The following BTD variants were observed in gnomAD, a reference collection of about 807,000 sequenced individuals.
BTD encodes the protein biocytinase.
Under a neutral mutation model 17.7 loss-of-function variants are expected in BTD, and 13 were observed. That is an observed-to-expected ratio of 0.74 (90% CI 0.48 to 1.17). The LOEUF (loss-of-function observed/expected upper bound fraction) is 1.17. BTD is among the 50% of genes most tolerant of loss of function. BTD has a pLI of 0.00. For missense variants in BTD, 674 were observed against 650.4 expected, an observed-to-expected ratio of 1.04 and a Z score of -0.39; for synonymous variants, 240 against 245.2, an observed-to-expected ratio of 0.98 and a Z score of 0.20.
intron 3 of BTD, chr3:15,695,083 T>C (rs2069339423): frequency 1.1e-6 from 1 of 945,458 alleles, no homozygotes. Context: ...TTGTGCCTAA[T>C]ATGTAAAAAC....
chr3:15,602,066 C>CTGT, intron 1 of BTD, 172 bp downstream of exon 1: 1 of 1,446,880 alleles, frequency 6.9e-7, no homozygotes, highest in African/African-American at 1.4e-5. Context: ...GCTGTGCTAC[C>CTGT]GCGTTGCGTT....
chr3:15,700,593 G>A (rs1009657159), intron 3 of BTD, among the ~76,000 whole-genome samples: 1 of 152,122 alleles, frequency 6.6e-6, no homozygotes, highest in Non-Finnish European at 1.5e-5. Context: ...GGCCAACATG[G>A]TGAAATCTTG....
At chr3:15,668,395 C>T (rs2066089062) in intron 3 of BTD, 1 of 151,762 alleles carries the variant, frequency 6.6e-6, no homozygotes. Flanking sequence ...AAATGTAGTC[C>T]ACTGTCATTA....
rs774003531 is a variant in BTD, at chr3:15,644,883, G to C, written c.967G>C (p.Gly323Arg). 2 of 1,614,078 alleles carry C rather than the reference G, an allele frequency of 1.2e-6. No homozygotes were observed. The highest frequency in any genetic ancestry group is 1.7e-6 in the Non-Finnish European group (2 of 1,180,026). ...TGCCCAGGTGGCCAAAAATCCAGTG[G>C]GTCTCATTGGTGCAGAGAATGCAAC... The part of the protein sequence containing the change: ...IIAQVAKNPV[G>R]LIGAENATGE... Residue 323 changes from glycine to arginine, a missense_variant, in exon 4 of 4, where the codon GGT becomes CGT. Gly to Arg is a moderately radical substitution (Grantham distance 125). Coordinates refer to ENST00000643237, the MANE Select transcript of BTD (RefSeq NM_001370658.1).
At chr3:15,691,032 T>G (rs2047852) in intron 3 of BTD, among the ~76,000 whole-genome samples, 74,230 of 151,956 alleles carry the variant, frequency 0.49, 20,112 homozygotes, top group Non-Finnish European at 0.6. Flanking sequence ...AGCAAAGAAA[T>G]GCATAACCGA....
intron 3 of BTD, chr3:15,684,254 T>C (rs966204023): frequency 6.6e-6 from 1 of 152,202 alleles, no homozygotes. Context: ...CCAAACTGCA[T>C]TTTTAACATC....
At chr3:15,616,856 C>T (rs926748253) in intron 1 of BTD, among the ~76,000 whole-genome samples, 2 of 150,082 alleles carry the variant, frequency 1.3e-5, no homozygotes, top group Non-Finnish European at 3.0e-5. Context: ...ATTTTTTTTT[C>T]GAGTCTCACT....
downstream of BTD, among the ~76,000 whole-genome samples, chr3:15,654,207 C>T (rs186055873): frequency 6.6e-6 from 1 of 152,218 alleles, no homozygotes; most frequent in East Asian, 1.9e-4. Context: ...AGTAAGGCAA[C>T]ATTGGGCACT....
intron 3 of BTD, among the ~76,000 whole-genome samples, chr3:15,703,776 G>GCT (rs2070957964): frequency 6.6e-6 from 1 of 152,232 alleles, no homozygotes; most frequent in Admixed American, 6.5e-5. Context: ...GTAATGGATA[G>GCT]AGGACGGAAG....
At chr3:15,662,454 C>G (rs940634385) in intron 3 of BTD, among the ~76,000 whole-genome samples, 1 of 152,158 alleles carries the variant, frequency 6.6e-6, no homozygotes, top group African/African-American at 2.4e-5. Context: ...GTATATGAAC[C>G]TTGTATCTTG....
At chr3:15,706,849 A>G (rs1033911064) in intron 3 of BTD, among the ~76,000 whole-genome samples, 2 of 152,168 alleles carry the variant, frequency 1.3e-5, no homozygotes, top group Non-Finnish European at 2.9e-5. Flanking sequence ...AGTGATGATG[A>G]GCATTTTTTC....
intron 3 of BTD, among the ~76,000 whole-genome samples, chr3:15,673,451 C>A (rs2125609138): frequency 6.6e-6 from 1 of 152,296 alleles, no homozygotes; most frequent in Middle Eastern, 3.4e-3. Context: ...GTGAATGCAA[C>A]TGACAAAGAT....
intron 3 of BTD, among the ~76,000 whole-genome samples, chr3:15,688,279 T>C (rs1309216090): frequency 6.6e-6 from 1 of 152,236 alleles, no homozygotes; most frequent in African/African-American, 2.4e-5. Flanking sequence ...TCCCATCCAG[T>C]GTACAAAATT....
chr3:15,663,088 C>T (rs2065941968), intron 3 of BTD, among the ~76,000 whole-genome samples: 1 of 151,968 alleles, frequency 6.6e-6, no homozygotes, highest in Admixed American at 6.6e-5. Flanking sequence ...ACCTCCACCT[C>T]CCGGTTTCAA....
At position 15,614,199 on chromosome 3, in the gene BTD, C is replaced by T. The variant is rs376385332; in HGVS notation, c.-17+12305C>T. Among the ~76,000 whole-genome samples, 5 of 151,414 alleles carry T rather than the reference C, an allele frequency of 3.3e-5. No homozygotes were observed. The East Asian group carries it at 9.7e-4, about 29-fold the overall frequency. Reference sequence around the variant, plus strand: ...AGTACAGTGGCACAGCCGTAGCCCACTGCAGCCTTAAACTCCTGGGCTCAA... The same window carrying T: ...AGTACAGTGGCACAGCCGTAGCCCATTGCAGCCTTAAACTCCTGGGCTCAA... On this transcript the variant is annotated intron_variant, in intron 1 of 3. Transcript: ENST00000643237.
intron 1 of BTD, among the ~76,000 whole-genome samples, chr3:15,607,272 A>G (rs1354215242): frequency 1.3e-5 from 2 of 152,174 alleles, no homozygotes; most frequent in African/African-American, 4.8e-5. Flanking sequence ...AACCTTTTTA[A>G]AAGAAAAGGC....
chr3:15,607,330 G>T (rs1221779957), intron 1 of BTD, among the ~76,000 whole-genome samples: 2 of 152,198 alleles, frequency 1.3e-5, no homozygotes, highest in African/African-American at 2.4e-5. Flanking sequence ...AGTCATCAAA[G>T]AATCTGCATA....
intron 3 of BTD, among the ~76,000 whole-genome samples, chr3:15,670,862 A>G (rs145851111): frequency 0.012 from 1,894 of 152,378 alleles, 17 homozygotes; most frequent in Middle Eastern, 0.027. Context: ...CTGGGCTAGA[A>G]TAAGAAAAAC....
At chr3:15,657,187 C>T (rs896182128), downstream of BTD, among the ~76,000 whole-genome samples, 4 of 152,314 alleles carry the variant, frequency 2.6e-5, no homozygotes, top group Admixed American at 6.5e-5. Context: ...TGGCCAGAAA[C>T]AGGCACAGTG....
Sources: gnomAD v4.1 joint callset for allele counts (sites outside exome capture counted in the v4.1 genomes callset) on GRCh38, gnomAD v4.1.1 for gene constraint, MANE v1.5 for transcripts, NCBI Gene and HGNC (gene_info 2026-07-23, HGNC 2026-07-21) for gene names.